Variants in ADAMTS17 observed in about 807,000 individuals in gnomAD.
ADAMTS17 encodes ADAM metallopeptidase with thrombospondin type 1 motif 17.
ADAMTS17 carries 113 observed loss-of-function variants against 141.5 expected under a neutral mutation model. The observed-to-expected ratio is 0.80, with a 90% CI of 0.69 to 0.93. ADAMTS17 has a LOEUF of 0.93. Among genes scored for constraint, ADAMTS17 ranks in the 40% least tolerant of loss-of-function variants. The pLI, the probability that ADAMTS17 is intolerant of heterozygous loss-of-function variation, is 0.00. For synonymous variants in ADAMTS17, 768 were observed against 630.6 expected (o/e 1.22, Z -3.27); for missense variants, 1,659 against 1,517.9 (o/e 1.09, Z -1.54).
At chr15:100,225,494 G>C (rs189277338) in intron 7 of ADAMTS17, among the ~76,000 whole-genome samples, 3 of 150,306 alleles carry the variant, frequency 2.0e-5, no homozygotes, top group African/African-American at 7.4e-5. Flanking sequence ...CGGTCTCTGT[G>C]CCATTCAGTC....
At chr15:100,308,097 TCA>T (rs1459694274) in intron 3 of ADAMTS17, among the ~76,000 whole-genome samples, 1 of 152,202 alleles carries the variant, frequency 6.6e-6, no homozygotes, top group Non-Finnish European at 1.5e-5. Flanking sequence ...TACAGAAGTC[TCA>T]CTTTTTAAAA....
chr15:100,171,129 G>A (rs1436621211), intron 8 of ADAMTS17, among the ~76,000 whole-genome samples: 3 of 152,078 alleles, frequency 2.0e-5, no homozygotes, highest in Non-Finnish European at 2.9e-5. Flanking sequence ...TGGAGGAGGG[G>A]ATTAGCCCAC....
intron 10 of ADAMTS17, among the ~76,000 whole-genome samples, chr15:100,142,355 C>T (rs1415933778): frequency 2.0e-5 from 3 of 152,084 alleles, no homozygotes; most frequent in Non-Finnish European, 4.4e-5. Flanking sequence ...GAAAGCAATC[C>T]CTGGGGGTTC....
intron 18 of ADAMTS17, among the ~76,000 whole-genome samples, chr15:100,029,921 G>A (rs2029965220): frequency 6.6e-6 from 1 of 152,188 alleles, no homozygotes; most frequent in African/African-American, 2.4e-5. Flanking sequence ...TCTCACTCTG[G>A]ATGTACTGAA....
At chr15:100,300,981 A>G (rs2045012348) in intron 3 of ADAMTS17, among the ~76,000 whole-genome samples, 1 of 152,236 alleles carries the variant, frequency 6.6e-6, no homozygotes, top group South Asian at 2.1e-4. Context: ...AGCCTCTTCC[A>G]CCACACAGGA....
rs2060729522 is a variant in ADAMTS17 at position 99,993,337 on chromosome 15, AG to A, written c.2797-138del. The A allele has an allele frequency of 2.3e-6, 3 of 1,331,656 alleles. No individual in the cohort carries two copies. In the East Asian group the frequency reaches 7.0e-5, roughly 31 times the overall value. The allele number at this position is 1,331,656 out of a possible 1,614,324, so 82.5% of individuals were successfully genotyped here. On this transcript the variant is annotated intron_variant, in intron 19 of 21. Coordinates refer to ENST00000268070, the MANE Select transcript of ADAMTS17 (RefSeq NM_139057.4). The surrounding 1 kb of genome is among the most constrained non-coding windows in gnomAD (Gnocchi z 4.3). ...AAAACCCACACTTCTGTCCTCAAAA[AG>A]CTCCTGGTCTGCAGGGTCTTACGCA...
At chr15:100,105,094 C>T (rs1226795433) in intron 14 of ADAMTS17, among the ~76,000 whole-genome samples, 3 of 152,296 alleles carry the variant, frequency 2.0e-5, no homozygotes, top group South Asian at 2.1e-4. Flanking sequence ...TTGTTTCTCA[C>T]AGTTTTAACC....
intron 12 of ADAMTS17, among the ~76,000 whole-genome samples, chr15:100,118,985 G>A (rs1361066252): frequency 6.6e-6 from 1 of 151,574 alleles, no homozygotes; most frequent in East Asian, 1.9e-4. Context: ...CTATACTAGA[G>A]TAGGTTGAGC....
At chr15:100,274,505 A>G (rs78385218) in intron 4 of ADAMTS17, among the ~76,000 whole-genome samples, 75 of 152,288 alleles carry the variant, frequency 4.9e-4, no homozygotes, top group African/African-American at 1.7e-3. Flanking sequence ...TTTGGTTACA[A>G]TTAGCATGGA....
In ADAMTS17 at chr15:100,306,291, C is replaced by A. The variant is rs148726995; in HGVS notation, c.616+24598G>T. Reference sequence around the variant, plus strand: ...TCTAACCGCTTCAGCCAACAGAGTACCTTCAGAGTGATGCTCTAGGATTTC... The same window carrying A: ...TCTAACCGCTTCAGCCAACAGAGTAACTTCAGAGTGATGCTCTAGGATTTC... On this transcript the variant is annotated intron_variant, in intron 3 of 21. Transcript: ENST00000268070. 1.7e-3 allele frequency: 600 copies of A among 357,410 alleles called. 5 individuals carry two copies. The highest frequency in any genetic ancestry group is 0.012 in the African/African-American group (544 of 46,872). 22.1% of individuals were successfully genotyped at this position (357,410 alleles called of 1,614,324 possible). A position where few individuals can be genotyped will look rare whatever the true frequency, so the allele number is the denominator to read the frequency against.
chr15:100,235,010 G>A (rs779247951), intron 7 of ADAMTS17, among the ~76,000 whole-genome samples: 2 of 152,164 alleles, frequency 1.3e-5, no homozygotes, highest in Non-Finnish European at 2.9e-5. Context: ...GAAAAACAAG[G>A]TAATTATGTT....
In ADAMTS17 at chr15:100,109,012, G is replaced by T. The variant is rs149304758; in HGVS notation, c.1993C>A (p.Leu665Ile). ...ACCTGGCACTTGCCGTGCACGCAGA[G>T]ATCAGTCTCGTAGGGCCCGCAGGGT... ...GTPCGPYETD[L>I]CVHGKCQKIG... The change falls in exon 14 of 22, where the codon CTC (leucine) becomes ATC (isoleucine). Residue 665 changes from leucine (L) to isoleucine (I), a missense_variant. Transcript: ENST00000268070. 10 of 1,613,996 alleles carry T rather than the reference G, an allele frequency of 6.2e-6. No homozygotes were observed. Among genetic ancestry groups the T allele is most frequent in the African/African-American group, 1.3e-5 (1 of 74,944 alleles).
intron 7 of ADAMTS17, among the ~76,000 whole-genome samples, chr15:100,217,492 G>A (rs751668203): frequency 2.3e-4 from 35 of 152,094 alleles, no homozygotes; most frequent in Non-Finnish European, 3.4e-4. Flanking sequence ...CCAGCTACTC[G>A]GGAGGCTGAG....
intron 7 of ADAMTS17, among the ~76,000 whole-genome samples, chr15:100,228,249 A>G (rs902664621): frequency 2.6e-5 from 4 of 152,220 alleles, no homozygotes; most frequent in African/African-American, 4.8e-5. Context: ...AGGCCTCAGA[A>G]CAGTCTACTT....
chr15:99,988,668 G>A (rs1432261291), intron 20 of ADAMTS17, among the ~76,000 whole-genome samples: 2 of 152,212 alleles, frequency 1.3e-5, no homozygotes, highest in Non-Finnish European at 2.9e-5. Context: ...TCTTCTGAAA[G>A]CCTGGAAGTG....
intron 8 of ADAMTS17, among the ~76,000 whole-genome samples, chr15:100,178,919 T>C (rs10162771): frequency 0.014 from 2,183 of 152,344 alleles, 62 homozygotes; most frequent in African/African-American, 0.049. Context: ...GTCATCCAAA[T>C]TGCTGTTCCT....
At chr15:100,011,876 A>C (rs117185168) in intron 18 of ADAMTS17, among the ~76,000 whole-genome samples, 110 of 152,386 alleles carry the variant, frequency 7.2e-4, no homozygotes, top group Non-Finnish European at 1.4e-3. Flanking sequence ...TCTTTCTTGT[A>C]TAATGACTTC....
At chr15:99,999,539 G>A (rs1446998269) in intron 18 of ADAMTS17, among the ~76,000 whole-genome samples, 1 of 152,194 alleles carries the variant, frequency 6.6e-6, no homozygotes, top group Non-Finnish European at 1.5e-5. Flanking sequence ...GGCGGAGTGA[G>A]GAAGGGGAGA....
At chr15:100,139,216 C>T (rs1038232969) in intron 10 of ADAMTS17, among the ~76,000 whole-genome samples, 11 of 152,048 alleles carry the variant, frequency 7.2e-5, no homozygotes, top group Admixed American at 5.9e-4. Flanking sequence ...GAGAAAATAT[C>T]CAAAATGTAG....
Sources: gnomAD v4.1 joint callset for allele counts (sites outside exome capture counted in the v4.1 genomes callset) on GRCh38, gnomAD v4.1.1 for gene constraint, Gnocchi (gnomAD v3.1) non-coding constraint, MANE v1.5 for transcripts, NCBI Gene and HGNC (gene_info 2026-07-23, HGNC 2026-07-21) for gene names.